PLCXD3: variants seen among roughly 807,000 people sequenced by gnomAD.
The protein encoded by PLCXD3 is phosphatidylinositol specific phospholipase C X domain containing 3, also known as PI-PLC X domain-containing protein 3.
PLCXD3 carries 19 observed loss-of-function variants against 25.5 expected under a neutral mutation model. The observed-to-expected ratio is 0.75, with a 90% CI of 0.52 to 1.09. The LOEUF is 1.09. PLCXD3 is among the 50% of genes least tolerant of loss of function. The pLI is 0.00. For synonymous variants in PLCXD3, 174 were observed against 137.6 expected, an observed-to-expected ratio of 1.26 and a Z score of -1.85; for missense variants, 411 against 388.1, an observed-to-expected ratio of 1.06 and a Z score of -0.50.
At chr5:41,357,156 G>A (rs1323512860) in intron 2 of PLCXD3, among the ~76,000 whole-genome samples, 1 of 152,194 alleles carries the variant, frequency 6.6e-6, no homozygotes, top group Non-Finnish European at 1.5e-5. Flanking sequence ...AACAAAACAT[G>A]TCTTTCTCAG....
At chr5:41,330,416 T>C (rs989219125) in intron 2 of PLCXD3, among the ~76,000 whole-genome samples, 2 of 152,148 alleles carry the variant, frequency 1.3e-5, no homozygotes, top group Non-Finnish European at 2.9e-5. Context: ...AATCTCTGAA[T>C]AGAACAATAA....
chr5:41,477,611 C>T (rs955424872), intron 1 of PLCXD3, among the ~76,000 whole-genome samples: 1 of 152,032 alleles, frequency 6.6e-6, no homozygotes, highest in Non-Finnish European at 1.5e-5. Flanking sequence ...TAATCTCCAG[C>T]CCCCTTACAC....
At chr5:41,329,071 C>T (rs1248913183) in intron 2 of PLCXD3, among the ~76,000 whole-genome samples, 2 of 152,284 alleles carry the variant, frequency 1.3e-5, no homozygotes, top group African/African-American at 4.8e-5. Flanking sequence ...ATCAGTCTTG[C>T]TCATCTTGAC....
At chr5:41,323,446 G>A (rs1561231766) in intron 2 of PLCXD3, among the ~76,000 whole-genome samples, 1 of 152,132 alleles carries the variant, frequency 6.6e-6, no homozygotes, top group Non-Finnish European at 1.5e-5. Context: ...ATTTCACATT[G>A]CATGCCTTTA....
chr5:41,493,561 C>T (rs1391679924), intron 1 of PLCXD3, among the ~76,000 whole-genome samples: 4 of 152,236 alleles, frequency 2.6e-5, no homozygotes, highest in African/African-American at 9.6e-5. Flanking sequence ...GGCAGGCAGG[C>T]CTCCTTGAGC....
chr5:41,415,826 A>G (rs1746679252), intron 1 of PLCXD3, among the ~76,000 whole-genome samples: 1 of 152,190 alleles, frequency 6.6e-6, no homozygotes, highest in African/African-American at 2.4e-5. Context: ...TATCTGTCAA[A>G]GTGTTAAAAC....
At chr5:41,419,874 C>A (rs1047926979) in intron 1 of PLCXD3, among the ~76,000 whole-genome samples, 1 of 152,044 alleles carries the variant, frequency 6.6e-6, no homozygotes. Flanking sequence ...TGCTTAAGTG[C>A]CAAATAATTA....
chr5:41,484,674 A>G (rs1748480226), intron 1 of PLCXD3, among the ~76,000 whole-genome samples: 1 of 152,178 alleles, frequency 6.6e-6, no homozygotes, highest in Non-Finnish European at 1.5e-5. Flanking sequence ...AGGTAATCCC[A>G]ACCTGTGTAT....
intron 2 of PLCXD3, among the ~76,000 whole-genome samples, chr5:41,338,430 C>T (rs1051715174): frequency 5.9e-5 from 9 of 151,938 alleles, no homozygotes; most frequent in African/African-American, 1.2e-4. Context: ...CTGCTACTAC[C>T]GCCCCTACTA....
In PLCXD3 at chr5:41,321,277, T is replaced by C. The variant is rs147055054; in HGVS notation, c.813-7507A>G. Among the ~76,000 whole-genome samples, 92 of 152,262 alleles carry C rather than the reference T, an allele frequency of 6.0e-4. No individual in the cohort carries two copies. In the East Asian group the frequency reaches 0.017, roughly 28 times the overall value. ...TACAAAGTCAACATACAAAAATCAG[T>C]AGCATTTCTGTATGCCAACAGTGAA... On this transcript the variant is annotated intron_variant, in intron 2 of 2. Coordinates refer to ENST00000377801, the MANE Select transcript of PLCXD3 (RefSeq NM_001005473.3).
At chr5:41,354,472 A>T (rs1211755253) in intron 2 of PLCXD3, among the ~76,000 whole-genome samples, 1 of 152,076 alleles carries the variant, frequency 6.6e-6, no homozygotes, top group Non-Finnish European at 1.5e-5. Context: ...AAAACAAGCC[A>T]ATTGTTCAAC....
intron 1 of PLCXD3, among the ~76,000 whole-genome samples, chr5:41,454,040 A>T (rs936131585): frequency 6.6e-6 from 1 of 151,996 alleles, no homozygotes; most frequent in African/African-American, 2.4e-5. Flanking sequence ...CTATTAAGTC[A>T]CACAAGAACA....
At chr5:41,451,639 C>T (rs1379639383) in intron 1 of PLCXD3, among the ~76,000 whole-genome samples, 2 of 147,938 alleles carry the variant, frequency 1.4e-5, no homozygotes, top group African/African-American at 4.9e-5. Flanking sequence ...TCTTTCCTCT[C>T]TCTTTTTTTT....
chr5:41,503,971 G>C (rs1749006153), intron 1 of PLCXD3, among the ~76,000 whole-genome samples: 1 of 136,840 alleles, frequency 7.3e-6, no homozygotes, highest in Admixed American at 7.1e-5. Flanking sequence ...TAAAATGTGT[G>C]TGTGTGTGTG....
At chr5:41,323,397 G>A (rs930487030) in intron 2 of PLCXD3, among the ~76,000 whole-genome samples, 1 of 152,186 alleles carries the variant, frequency 6.6e-6, no homozygotes, top group Non-Finnish European at 1.5e-5. Flanking sequence ...ATGGGCAAAT[G>A]CTTGAGGGAA....
chr5:41,348,479 G>A (rs536128041), intron 2 of PLCXD3, among the ~76,000 whole-genome samples: 147 of 152,238 alleles, frequency 9.7e-4, no homozygotes, highest in African/African-American at 3.2e-3. Flanking sequence ...AATGTCAATA[G>A]GTAGCACTCT....
intron 2 of PLCXD3, among the ~76,000 whole-genome samples, chr5:41,377,383 C>A (rs965442562): frequency 6.6e-6 from 1 of 151,922 alleles, no homozygotes; most frequent in Admixed American, 6.6e-5. Context: ...TCTAATTTAA[C>A]TCAGCATCAC....
chr5:41,320,210 T>C (rs774394850), intron 2 of PLCXD3, among the ~76,000 whole-genome samples: 5 of 152,098 alleles, frequency 3.3e-5, no homozygotes, highest in Non-Finnish European at 7.4e-5. Flanking sequence ...AATCCTACTC[T>C]AATTATTTTG....
At position 41,313,410 on chromosome 5, in the gene PLCXD3, C is replaced by A; in HGVS notation, c.*207G>T. ...TTCCTAACACTAGAAGTAGATTTTGCTCATCAAATGGGAAATGAAATATTT... is the reference window on the plus strand; with the variant it reads ...TTCCTAACACTAGAAGTAGATTTTGATCATCAAATGGGAAATGAAATATTT... On this transcript the variant is annotated 3_prime_UTR_variant, in exon 3 of 3. Transcript: ENST00000377801. The A allele has an allele frequency of 2.0e-6, 1 of 495,728 alleles. No individual in the cohort carries two copies. The highest frequency in any genetic ancestry group is 3.2e-5 in the South Asian group (1 of 30,886). 30.7% of individuals were successfully genotyped at this position (495,728 alleles called of 1,614,324 possible).
Sources: allele counts gnomAD v4.1 joint callset (sites outside exome capture counted in the v4.1 genomes callset), GRCh38; gene constraint gnomAD v4.1.1; transcripts MANE v1.5; gene names NCBI Gene and HGNC (gene_info 2026-07-23, HGNC 2026-07-21).